The following C5orf47 variants were observed in gnomAD, a reference collection of about 807,000 sequenced individuals.
C5orf47 encodes uncharacterized protein C5orf47.
Under a neutral mutation model 20.6 loss-of-function variants are expected in C5orf47, and 20 were observed. The observed-to-expected ratio is 0.97, with a 90% CI of 0.68 to 1.41. The LOEUF (loss-of-function observed/expected upper bound fraction) is 1.41. Ranked by LOEUF, C5orf47 falls within the 40% of genes most tolerant of loss-of-function variation. The pLI is 0.00. For synonymous variants in C5orf47, 106 were observed against 97.3 expected, an observed-to-expected ratio of 1.09 and a Z score of -0.53; for missense variants, 262 against 238.4, an observed-to-expected ratio of 1.10 and a Z score of -0.65.
intron 2 of C5orf47, among the ~76,000 whole-genome samples, chr5:173,998,707 A>G (rs1423502041): frequency 5.3e-5 from 8 of 152,200 alleles, no homozygotes; most frequent in Non-Finnish European, 8.8e-5. Context: ...TAGTTGTCCA[A>G]ATGTCATGGT....
chr5:174,002,643 A>G (rs1431713974), intron 4 of C5orf47, among the ~76,000 whole-genome samples: 1 of 152,152 alleles, frequency 6.6e-6, no homozygotes, highest in African/African-American at 2.4e-5. Context: ...ACCTAAGAGC[A>G]AGAGTATCTT....
In C5orf47 at chr5:173,989,231, C is replaced by T. The variant is rs11745410; in HGVS notation, c.-33C>T. 34 of 1,366,446 alleles carry T rather than the reference C, an allele frequency of 2.5e-5. No individual in the cohort carries two copies. Among genetic ancestry groups the T allele is most frequent in the Non-Finnish European group, 9.4e-6 (10 of 1,060,208 alleles). The allele number at this position is 1,366,446 out of a possible 1,614,324, so 84.6% of individuals were successfully genotyped here. A position where few individuals can be genotyped will look rare whatever the true frequency, so the allele number is the denominator to read the frequency against. On this transcript the variant is annotated 5_prime_UTR_variant, in exon 1 of 5. Transcript: ENST00000340147. ...TCTGGCGCCTGTGGCGTCGTGTTTG[C>T]TGAGGGCCCGGCTGCCGTTGACTGA... is the stretch of plus-strand genomic sequence containing the variant.
chr5:173,989,321 C>T lies in C5orf47; in HGVS notation c.58C>T (p.Arg20Cys), dbSNP rs200453534. The T allele has an allele frequency of 1.5e-3, 2,170 of 1,420,332 alleles. 2 individuals carry two copies. Among genetic ancestry groups the T allele is most frequent in the Non-Finnish European group, 1.9e-3 (2,077 of 1,081,248 alleles). 88.0% of individuals were successfully genotyped at this position (1,420,332 alleles called of 1,614,324 possible). A position where few individuals can be genotyped will look rare whatever the true frequency, so the allele number is the denominator to read the frequency against. Residue 20 changes from arginine (R) to cysteine (C), a missense_variant, in exon 1 of 5, where the codon CGC (arginine) becomes TGC (cysteine). Arg to Cys is a radical substitution (Grantham distance 180). Transcript: ENST00000340147. ...QDSARFVYVT[R>C]FGSHQCSGVL... ...CTCGGCGCGCTTCGTCTATGTGACG[C>T]GCTTCGGCTCGCATCAGTGCAGTGG... is the stretch of plus-strand genomic sequence containing the variant.
chr5:173,994,688 C>G (rs1305725971), intron 1 of C5orf47, among the ~76,000 whole-genome samples: 1 of 152,202 alleles, frequency 6.6e-6, no homozygotes, highest in Non-Finnish European at 1.5e-5. Flanking sequence ...AGTGACCACG[C>G]TGCTGTGCTT....
At chr5:173,990,746 G>T (rs1561645953) in intron 1 of C5orf47, among the ~76,000 whole-genome samples, 1 of 152,098 alleles carries the variant, frequency 6.6e-6, no homozygotes, top group Non-Finnish European at 1.5e-5. Flanking sequence ...CCCTCTCTTG[G>T]TTTTTCTAAG....
At chr5:174,000,820 TAAATG>T (rs1160146105) in intron 3 of C5orf47, among the ~76,000 whole-genome samples, 1 of 152,138 alleles carries the variant, frequency 6.6e-6, no homozygotes, top group African/African-American at 2.4e-5. Flanking sequence ...AGAGGTATCT[TAAATG>T]AAAAGGATGT....
chr5:173,996,652 C>G lies in C5orf47; in HGVS notation c.326-1501C>G, dbSNP rs558301162. Reference sequence around the variant, plus strand: ...ATATTTATTTAAATAGGCACATTTTCCCTTTTAACTAAATTTCTTTTTAGA... The same window carrying G: ...ATATTTATTTAAATAGGCACATTTTGCCTTTTAACTAAATTTCTTTTTAGA... On this transcript the variant is annotated intron_variant, in intron 1 of 4. Coordinates refer to ENST00000340147, the MANE Select transcript of C5orf47 (RefSeq NM_001144954.2). Among the ~76,000 whole-genome samples the G allele has an allele frequency of 4.6e-5, 7 of 152,236 alleles. 1 individual carries two copies. The South Asian group carries it at 1.0e-3, about 23-fold the overall frequency.
chr5:174,006,984 A>C (rs1302072351), downstream of C5orf47, among the ~76,000 whole-genome samples: 1 of 152,156 alleles, frequency 6.6e-6, no homozygotes, highest in Non-Finnish European at 1.5e-5. Flanking sequence ...TCTCCAAGAC[A>C]GGCCTCAAAG....
chr5:174,003,846 G>T (rs1759240956), intron 4 of C5orf47, among the ~76,000 whole-genome samples: 1 of 152,086 alleles, frequency 6.6e-6, no homozygotes, highest in East Asian at 1.9e-4. Context: ...GAGTATAAGG[G>T]TATAAAAAGT....
At chr5:174,002,226 G>A (rs1046510178) in intron 4 of C5orf47, among the ~76,000 whole-genome samples, 1 of 152,054 alleles carries the variant, frequency 6.6e-6, no homozygotes, top group Non-Finnish European at 1.5e-5. Context: ...TTTCCAAAGT[G>A]TTGGAATTGC....
chr5:173,992,260 G>C (rs1187946940), intron 1 of C5orf47, among the ~76,000 whole-genome samples: 6 of 140,010 alleles, frequency 4.3e-5, no homozygotes, highest in Non-Finnish European at 9.1e-5. Flanking sequence ...ACTAAGCTAA[G>C]ATTTGGGCCC....
At chr5:173,996,232 G>A (rs1237780841) in intron 1 of C5orf47, among the ~76,000 whole-genome samples, 1 of 152,206 alleles carries the variant, frequency 6.6e-6, no homozygotes, top group Non-Finnish European at 1.5e-5. Context: ...TAGGAAGAAC[G>A]ACTGGGTCAG....
intron 2 of C5orf47, among the ~76,000 whole-genome samples, chr5:173,999,003 G>C (rs2113368685): frequency 6.6e-6 from 1 of 152,262 alleles, no homozygotes; most frequent in Non-Finnish European, 1.5e-5. Context: ...GTTCCTTTTA[G>C]GTGAGGAGAA....
chr5:174,009,079 TC>T (rs1259558710), downstream of C5orf47, among the ~76,000 whole-genome samples: 1 of 152,126 alleles, frequency 6.6e-6, no homozygotes, highest in Non-Finnish European at 1.5e-5. Flanking sequence ...GGTAGTCTAA[TC>T]CTCATATCAT....
At chr5:173,993,324 C>T (rs955292704) in intron 1 of C5orf47, among the ~76,000 whole-genome samples, 1 of 151,984 alleles carries the variant, frequency 6.6e-6, no homozygotes, top group Non-Finnish European at 1.5e-5. Flanking sequence ...ACCCAGAAGC[C>T]CTGCTTTAAA....
intron 2 of C5orf47, among the ~76,000 whole-genome samples, chr5:173,998,885 G>A (rs987671755): frequency 1.3e-5 from 2 of 152,150 alleles, no homozygotes; most frequent in African/African-American, 2.4e-5. Context: ...TTTGATATCC[G>A]TGTATGGTAT....
At chr5:174,009,060 A>AC (rs1759334147), downstream of C5orf47, among the ~76,000 whole-genome samples, 1 of 152,172 alleles carries the variant, frequency 6.6e-6, no homozygotes, top group African/African-American at 2.4e-5. Context: ...CAGGCAAGTT[A>AC]CATGAGCAGG....
intron 1 of C5orf47, among the ~76,000 whole-genome samples, chr5:173,993,587 T>C (rs1360293810): frequency 2.0e-5 from 3 of 152,152 alleles, no homozygotes; most frequent in African/African-American, 4.8e-5. Context: ...GAGGTTGCAG[T>C]GAGCTGAGAT....
In C5orf47 at chr5:173,989,564, G is replaced by C; in HGVS notation, c.301G>C (p.Gly101Arg). The change falls in exon 1 of 5, where the codon GGC becomes CGC. Residue 101 changes from glycine (G) to arginine (R), a missense_variant. Gly to Arg is a moderately radical substitution (Grantham distance 125). Coordinates refer to ENST00000340147, the MANE Select transcript of C5orf47 (RefSeq NM_001144954.2). The stretch of plus-strand genomic sequence containing the variant: ...GCTGCGGGCATCGAGAGTTCAGAGC[G>C]GCACCAGACAGTCGGCGCGTGCAGG... ...SQLRASRVQS[G>R]TRQSARAGLI... 1 of 1,481,752 alleles carries C rather than the reference G, an allele frequency of 6.7e-7. No homozygotes were observed. The highest frequency in any genetic ancestry group is 9.0e-7 in the Non-Finnish European group (1 of 1,115,006). The allele number at this position is 1,481,752 out of a possible 1,614,324, so 91.8% of individuals were successfully genotyped here. A position where few individuals can be genotyped will look rare whatever the true frequency, so the allele number is the denominator to read the frequency against.
Sources: gnomAD v4.1 joint callset for allele counts (sites outside exome capture counted in the v4.1 genomes callset) on GRCh38, gnomAD v4.1.1 for gene constraint, MANE v1.5 for transcripts, NCBI Gene and HGNC (gene_info 2026-07-23, HGNC 2026-07-21) for gene names.